Variants in WNT7B observed in about 807,000 individuals in gnomAD.
The protein encoded by WNT7B is protein Wnt-7b.
Under a neutral mutation model 38.2 loss-of-function variants are expected in WNT7B, and 19 were observed. That is an observed-to-expected ratio of 0.50 (90% CI 0.35 to 0.73). The LOEUF (loss-of-function observed/expected upper bound fraction) is 0.73, where lower values mean the gene tolerates loss of function less well. Ranked by LOEUF, WNT7B falls within the 30% of genes least tolerant of loss-of-function variation. WNT7B has a pLI of 0.01. For missense variants in WNT7B, 423 were observed against 507.9 expected, an observed-to-expected ratio of 0.83 and a Z score of 1.61; for synonymous variants, 243 against 209.3, an observed-to-expected ratio of 1.16 and a Z score of -1.39.
intron 3 of WNT7B, among the ~76,000 whole-genome samples, chr22:45,924,217 G>C (rs2146702491): frequency 6.6e-6 from 1 of 152,346 alleles, no homozygotes; most frequent in East Asian, 1.9e-4. Flanking sequence ...CCCTGCCGGG[G>C]CTTGGCCACC....
chr22:45,924,820 G>T (rs1033342622), intron 3 of WNT7B, among the ~76,000 whole-genome samples: 12 of 150,306 alleles, frequency 8.0e-5, no homozygotes, highest in East Asian at 2.0e-4. Context: ...GGGCCCAAAG[G>T]CTCATCAGGC....
chr22:45,949,622 G>A (rs1490982242), intron 2 of WNT7B, among the ~76,000 whole-genome samples: 4 of 152,296 alleles, frequency 2.6e-5, no homozygotes, highest in East Asian at 3.9e-4. Flanking sequence ...TAGCACCACC[G>A]CGCCACCAGC....
At chr22:45,926,288 G>C (rs1931081054) in intron 3 of WNT7B, 2 of 985,320 alleles carry the variant, frequency 2.0e-6, no homozygotes, top group African/African-American at 1.7e-5. Context: ...GAGACCACCT[G>C]GCAGGGCACA....
In WNT7B at chr22:45,922,570, C is replaced by T; in HGVS notation, c.*286G>A. On this transcript the variant is annotated 3_prime_UTR_variant, in exon 4 of 4. Transcript: ENST00000339464. ...ATTTTCCCAGAGAGAAGAAAGAGAA[C>T]TTGCCGGGCCCCGTCGGGGAGCACC... is the stretch of plus-strand genomic sequence containing the variant. The T allele has an allele frequency of 2.2e-6, 1 of 459,220 alleles. No homozygotes were observed. The highest frequency in any genetic ancestry group is 3.9e-6 in the Non-Finnish European group (1 of 257,912). 28.4% of individuals were successfully genotyped at this position (459,220 alleles called of 1,614,324 possible). A position where few individuals can be genotyped will look rare whatever the true frequency, so the allele number is the denominator to read the frequency against.
At chr22:45,942,881 A>G (rs925791446) in intron 2 of WNT7B, among the ~76,000 whole-genome samples, 1 of 149,288 alleles carries the variant, frequency 6.7e-6, no homozygotes, top group Non-Finnish European at 1.5e-5. Flanking sequence ...GCGTGTGTGC[A>G]TGTATGTGCG....
intron 1 of WNT7B, among the ~76,000 whole-genome samples, chr22:45,953,739 AAG>A (rs1159740791): frequency 1.8e-4 from 25 of 141,862 alleles, no homozygotes; most frequent in African/African-American, 3.3e-4. Context: ...AAAAAAAAAA[AAG>A]AAGAAGAAGA....
chr22:45,961,211 C>G (rs77657296), intron 1 of WNT7B, among the ~76,000 whole-genome samples: 65 of 152,370 alleles, frequency 4.3e-4, no homozygotes, highest in African/African-American at 1.5e-3. Flanking sequence ...GCTGGTGCCC[C>G]GTCCTTTCTC....
rs1452222827 is a variant in WNT7B, at chr22:45,976,822, G to C, written c.-68C>G. The C allele has an allele frequency of 3.4e-6, 5 of 1,485,346 alleles. No individual in the cohort carries two copies. Among genetic ancestry groups the C allele is most frequent in the Non-Finnish European group, 4.5e-6 (5 of 1,105,366 alleles). 92.0% of individuals were successfully genotyped at this position (1,485,346 alleles called of 1,614,324 possible). A position where few individuals can be genotyped will look rare whatever the true frequency, so the allele number is the denominator to read the frequency against. ...GGGGACGCGCGGGCCCGGCAGGGCC[G>C]GGCAGGGGCCAGGGGGCTGCGGGCA... On this transcript the variant is annotated 5_prime_UTR_variant, in exon 1 of 4. Coordinates refer to ENST00000339464, the MANE Select transcript of WNT7B (RefSeq NM_058238.3). This position sits in a 1 kb window ranked among gnomAD's most constrained non-coding sequence, Gnocchi z 8.5.
intron 1 of WNT7B, among the ~76,000 whole-genome samples, chr22:45,973,097 C>T (rs1404692530): frequency 6.6e-6 from 1 of 152,266 alleles, no homozygotes; most frequent in Non-Finnish European, 1.5e-5. Context: ...AGTGGGAAGG[C>T]ATCGCCAGCA....
At chr22:45,925,948 A>C in intron 3 of WNT7B, 4 of 985,198 alleles carry the variant, frequency 4.1e-6, no homozygotes, top group Non-Finnish European at 3.6e-6. Flanking sequence ...TGCCCCTGGT[A>C]CTGTGCCCTG....
chr22:45,952,475 G>A (rs28408927), intron 1 of WNT7B, among the ~76,000 whole-genome samples: 12,159 of 152,256 alleles, frequency 0.08, 1,157 homozygotes, highest in African/African-American at 0.23. Context: ...GGCTGGGAGC[G>A]GGCTGGAATC....
intron 1 of WNT7B, among the ~76,000 whole-genome samples, chr22:45,964,698 C>T (rs777951898): frequency 5.9e-5 from 9 of 152,128 alleles, no homozygotes; most frequent in South Asian, 4.1e-4. Context: ...GGCAATCGGC[C>T]GTGACCTGGG....
At position 45,942,896 on chromosome 22, in the gene WNT7B, T is replaced by C. The variant is rs1339715673; in HGVS notation, c.298+7024A>G. Among the ~76,000 whole-genome samples the C allele has an allele frequency of 2.0e-5, 3 of 150,984 alleles. No individual in the cohort carries two copies. The East Asian group carries it at 5.9e-4, about 30-fold the overall frequency. On this transcript the variant is annotated intron_variant, in intron 2 of 3. Coordinates refer to ENST00000339464, the MANE Select transcript of WNT7B (RefSeq NM_058238.3). ...GCGTGTGTGCATGTATGTGCGTGTG[T>C]GTGCGCGCGTGTGTGCAGTGTGCAC...
At position 45,923,389 on chromosome 22, in the gene WNT7B, T is replaced by C. The variant is rs58391258; in HGVS notation, c.571-54A>G. 0.01 allele frequency: 15,973 copies of C among 1,543,634 alleles called. 1,363 individuals are homozygous for C. In the African/African-American group the frequency reaches 0.19, roughly 18 times the overall value. ...CGGCATGGCCCAAGCTGGGCCCCTC[T>C]AGGTTCCCCTACCCCTGCCTCTAGC... On this transcript the variant is annotated intron_variant, in intron 3 of 3. Transcript: ENST00000339464.
At chr22:45,972,700 C>T (rs1932477414) in intron 1 of WNT7B, 1 of 152,274 alleles carries the variant, frequency 6.6e-6, no homozygotes, top group Non-Finnish European at 1.5e-5. Flanking sequence ...CCCAAGTTGC[C>T]TTGGCTGGGA....
chr22:45,937,807 C>G (rs922881973), intron 2 of WNT7B, among the ~76,000 whole-genome samples: 4 of 152,166 alleles, frequency 2.6e-5, no homozygotes, highest in African/African-American at 9.7e-5. Flanking sequence ...GTCAGGAGTT[C>G]GAGCCCAGCC....
chr22:45,971,959 T>C (rs2146755823), intron 1 of WNT7B, among the ~76,000 whole-genome samples: 1 of 152,252 alleles, frequency 6.6e-6, no homozygotes, highest in East Asian at 1.9e-4. Flanking sequence ...CTCACTGCCG[T>C]AGCTGCCCGC....
At position 45,926,568 on chromosome 22, in the gene WNT7B, G is replaced by T. The variant is rs558203721; in HGVS notation, c.571-3233C>A. 8 of 985,404 alleles carry T rather than the reference G, an allele frequency of 8.1e-6. 1 individual carries two copies. In the Admixed American group the frequency reaches 4.9e-4, roughly 60 times the overall value. 61.0% of individuals were successfully genotyped at this position (985,404 alleles called of 1,614,324 possible). ...AGACTGACCAGCCCAGGAGCCTGGCGTCCGATATTCCGGCCACTGGGGCCG... is the reference window on the plus strand; with the variant it reads ...AGACTGACCAGCCCAGGAGCCTGGCTTCCGATATTCCGGCCACTGGGGCCG... On this transcript the variant is annotated intron_variant, in intron 3 of 3. Transcript: ENST00000339464.
Position 45,966,666 on chromosome 22 carries a change from G to T in WNT7B, c.71+10018C>A, listed in dbSNP as rs895716352. Among the ~76,000 whole-genome samples the T allele has an allele frequency of 2.0e-5, 3 of 152,226 alleles. No individual in the cohort carries two copies. Among genetic ancestry groups the T allele is most frequent in the Admixed American group, 1.3e-4 (2 of 15,284 alleles). On this transcript the variant is annotated intron_variant, in intron 1 of 3. Transcript: ENST00000339464. The surrounding 1 kb of genome is among the most constrained non-coding windows in gnomAD (Gnocchi z 4.2). ...GCTGCAAAGGCTGCTTGGGGGAGCAGGACGTTAGTGTCTTCTGCACACAGC... is the reference window on the plus strand; with the variant it reads ...GCTGCAAAGGCTGCTTGGGGGAGCATGACGTTAGTGTCTTCTGCACACAGC...
Sources: gnomAD v4.1 joint callset for allele counts (sites outside exome capture counted in the v4.1 genomes callset) on GRCh38, gnomAD v4.1.1 for gene constraint, Gnocchi (gnomAD v3.1) non-coding constraint, MANE v1.5 for transcripts, NCBI Gene and HGNC (gene_info 2026-07-23, HGNC 2026-07-21) for gene names.